DYNC2LI1: variants seen among roughly 807,000 people sequenced by gnomAD.
DYNC2LI1 encodes dynein cytoplasmic 2 light intermediate chain 1, also known as cytoplasmic dynein 2 light intermediate chain 1.
DYNC2LI1 carries 45 observed loss-of-function variants against 51.9 expected under a neutral mutation model. The ratio of observed to expected loss-of-function variants is 0.87; its 90% CI spans 0.68 to 1.11. DYNC2LI1 has a LOEUF of 1.11. DYNC2LI1 is among the 50% of genes most tolerant of loss of function. The pLI is 0.00. For synonymous variants in DYNC2LI1, 130 were observed against 137.8 expected (o/e 0.94, Z 0.40); for missense variants, 490 against 417.4 (o/e 1.17, Z -1.51).
At chr2:43,791,298 C>T (rs1273728583) in intron 5 of DYNC2LI1, among the ~76,000 whole-genome samples, 4 of 152,134 alleles carry the variant, frequency 2.6e-5, no homozygotes, top group African/African-American at 4.8e-5. Flanking sequence ...GGTGAAAATA[C>T]AGGAGGTGGC....
chr2:43,775,481 T>C (rs2104651998), intron 1 of DYNC2LI1, among the ~76,000 whole-genome samples: 1 of 146,832 alleles, frequency 6.8e-6, no homozygotes, highest in South Asian at 2.1e-4. Flanking sequence ...AGGGTTTTTT[T>C]TTCTTTCTTT....
At chr2:43,820,180 A>G in the DYNC2LI1 span, 1 of 1,514,822 alleles carries the variant, frequency 6.6e-7, no homozygotes, top group Non-Finnish European at 9.0e-7. Flanking sequence ...CTGTGAATAA[A>G]TCCTTTGTGG....
rs532201877 is a variant in DYNC2LI1 at position 43,774,246 on chromosome 2, C to T, written c.8+100C>T. The T allele has an allele frequency of 1.1e-4, 170 of 1,504,968 alleles. No homozygotes were observed. In the East Asian group the frequency reaches 3.4e-3, roughly 30 times the overall value. 93.2% of individuals were successfully genotyped at this position (1,504,968 alleles called of 1,614,324 possible). A position where few individuals can be genotyped will look rare whatever the true frequency, so the allele number is the denominator to read the frequency against. ...AGCTGTTGGAAGATTGTGGGGGTGG[C>T]TACTTGCCACCAGGATATGCAGGGT... On this transcript the variant is annotated intron_variant, in intron 1 of 12. Coordinates refer to ENST00000260605, the MANE Select transcript of DYNC2LI1 (RefSeq NM_016008.4).
At chr2:43,823,404 G>A in the DYNC2LI1 span, among the ~76,000 whole-genome samples, 5 of 151,930 alleles carry the variant, frequency 3.3e-5, no homozygotes, top group Admixed American at 6.6e-5. Flanking sequence ...TCACAATAGC[G>A]AAGTCCTTCC....
At chr2:43,804,265 C>T (rs1666166120) in intron 10 of DYNC2LI1, among the ~76,000 whole-genome samples, 1 of 152,106 alleles carries the variant, frequency 6.6e-6, no homozygotes, top group Non-Finnish European at 1.5e-5. Flanking sequence ...GGTTGTAGGT[C>T]AATTTTTCAC....
chr2:43,796,058 T>A, intron 7 of DYNC2LI1, 100 bp downstream of exon 7: 1 of 871,822 alleles, frequency 1.1e-6, no homozygotes, highest in Non-Finnish European at 1.8e-6. Flanking sequence ...AAATAATTAT[T>A]GAAGGAATCG....
At chr2:43,783,444 C>A in intron 2 of DYNC2LI1, 76 bp from the exon 3 acceptor site, 2 of 1,111,706 alleles carry the variant, frequency 1.8e-6, no homozygotes, top group Non-Finnish European at 2.6e-6. Context: ...CTATTTTGGG[C>A]CACAATTACG....
chr2:43,795,041 ACT>A (rs1367221159), intron 6 of DYNC2LI1: 2 of 1,061,330 alleles, frequency 1.9e-6, no homozygotes, highest in African/African-American at 3.3e-5. Context: ...CTTCACCATC[ACT>A]CTGTATTTTA....
At chr2:43,791,365 C>A (rs1024200323) in intron 5 of DYNC2LI1, among the ~76,000 whole-genome samples, 1 of 152,164 alleles carries the variant, frequency 6.6e-6, no homozygotes, top group African/African-American at 2.4e-5. Flanking sequence ...TTACCTCACT[C>A]CCCTTCTTGA....
At chr2:43,822,481 C>CGCT in the DYNC2LI1 span, 1 of 875,746 alleles carries the variant, frequency 1.1e-6, no homozygotes, top group Non-Finnish European at 1.4e-6. Context: ...CCCCCAGGCC[C>CGCT]CCCCCCATGC....
chr2:43,821,890 G>T, the DYNC2LI1 span, among the ~76,000 whole-genome samples: 2 of 149,858 alleles, frequency 1.3e-5, no homozygotes, highest in African/African-American at 2.5e-5. Flanking sequence ...CTCTCTTCCC[G>T]CACCCCATCT....
chr2:43,780,485 T>C (rs978154986), intron 2 of DYNC2LI1, among the ~76,000 whole-genome samples: 3 of 151,576 alleles, frequency 2.0e-5, no homozygotes, highest in Admixed American at 2.0e-4. Flanking sequence ...GGAGGTAGAG[T>C]AGTTGTTTAT....
chr2:43,814,967 T>C (rs373305408), downstream of DYNC2LI1, among the ~76,000 whole-genome samples: 4 of 152,220 alleles, frequency 2.6e-5, no homozygotes, highest in African/African-American at 9.6e-5. Context: ...TGGCCTGTTA[T>C]AGTGAAGACC....
At chr2:43,820,322 T>TA in the DYNC2LI1 span, among the ~76,000 whole-genome samples, 1 of 152,200 alleles carries the variant, frequency 6.6e-6, no homozygotes, top group African/African-American at 2.4e-5. Context: ...GAGCCACCTT[T>TA]TCCCTTTCAC....
chr2:43,774,255 A>C, intron 1 of DYNC2LI1, 109 bp downstream of exon 1: 1 of 1,442,372 alleles, frequency 6.9e-7, no homozygotes, highest in Non-Finnish European at 9.6e-7. Context: ...GCTACTTGCC[A>C]CCAGGATATG....
At chr2:43,794,681 T>C in intron 6 of DYNC2LI1, 38 bp downstream of exon 6, 1 of 1,613,944 alleles carries the variant, frequency 6.2e-7, no homozygotes, top group Non-Finnish European at 8.5e-7. Context: ...GAATCCTTAG[T>C]CCCATTTATA....
chr2:43,776,852 G>A lies in DYNC2LI1; in HGVS notation c.79G>A (p.Ala27Thr). ...AATTAATGGAAGTGAAGGTGATGGAGCTGAAATTGCAGAAAAATTTGTTTT... is the reference window on the plus strand; with the variant it reads ...AATTAATGGAAGTGAAGGTGATGGAACTGAAATTGCAGAAAAATTTGTTTT... ...RGINGSEGDGAEIAEKFVFFI... is the reference protein window; with the variant it reads ...RGINGSEGDGTEIAEKFVFFI... The change falls in exon 2 of 13, where the codon GCT (alanine) becomes ACT (threonine). Residue 27 changes from alanine (A) to threonine (T), a missense_variant. Coordinates refer to ENST00000260605, the MANE Select transcript of DYNC2LI1 (RefSeq NM_016008.4). The A allele has an allele frequency of 6.2e-7, 1 of 1,604,422 alleles. No individual in the cohort carries two copies. Among genetic ancestry groups the A allele is most frequent in the Non-Finnish European group, 8.5e-7 (1 of 1,175,630 alleles).
At chr2:43,811,358 T>C (rs1307175699), downstream of DYNC2LI1, among the ~76,000 whole-genome samples, 1 of 152,202 alleles carries the variant, frequency 6.6e-6, no homozygotes, top group African/African-American at 2.4e-5. Context: ...TTCTAAGAAA[T>C]AGAATTTTAC....
At chr2:43,823,841 T>C in the DYNC2LI1 span, 2 of 1,549,648 alleles carry the variant, frequency 1.3e-6, no homozygotes, top group Non-Finnish European at 1.8e-6. Context: ...TGGTAGACTT[T>C]TGTAAGGTTA....
Sources: gnomAD v4.1 joint callset for allele counts (sites outside exome capture counted in the v4.1 genomes callset) on GRCh38, gnomAD v4.1.1 for gene constraint, MANE v1.5 for transcripts, NCBI Gene and HGNC (gene_info 2026-07-23, HGNC 2026-07-21) for gene names.